SPAG16: variants seen among roughly 807,000 people sequenced by gnomAD.
SPAG16 encodes sperm associated antigen 16.
A neutral mutation model predicts 80.4 loss-of-function variants in SPAG16; 86 were observed. The ratio of observed to expected loss-of-function variants is 1.07; its 90% CI spans 0.90 to 1.28. SPAG16 has a LOEUF of 1.28. Among genes scored for constraint, SPAG16 ranks in the 50% most tolerant of loss-of-function variants. The pLI is 0.00. For missense variants in SPAG16, 870 were observed against 765.3 expected (o/e 1.14, Z -1.61); for synonymous variants, 294 against 265.9 (o/e 1.11, Z -1.03).
chr2:213,831,034 CTTTT>C (rs34523016), intron 10 of SPAG16, among the ~76,000 whole-genome samples: 5 of 80,816 alleles, frequency 6.2e-5, no homozygotes, highest in African/African-American at 1.8e-4. Context: ...TGAAACATGA[CTTTT>C]TTTTTTTTTT....
intron 14 of SPAG16, among the ~76,000 whole-genome samples, chr2:214,143,489 G>A (rs1479053731): frequency 6.6e-6 from 1 of 151,946 alleles, no homozygotes; most frequent in Admixed American, 6.6e-5. Context: ...AGTTGTGAGA[G>A]TCAGCTGTGA....
chr2:214,193,426 T>TGAGAGAGA (rs55774604), intron 15 of SPAG16, among the ~76,000 whole-genome samples: 70 of 136,608 alleles, frequency 5.1e-4, no homozygotes, highest in African/African-American at 1.6e-3. Context: ...TGTGTGTGTA[T>TGAGAGAGA]GAGAGAGAGA....
At chr2:214,370,309 T>C (rs1699729502) in intron 15 of SPAG16, among the ~76,000 whole-genome samples, 1 of 152,176 alleles carries the variant, frequency 6.6e-6, no homozygotes, top group South Asian at 2.1e-4. Context: ...ATTTTAAAGT[T>C]ATTGCTATGT....
chr2:214,009,830 A>C (rs2047200778), intron 12 of SPAG16, among the ~76,000 whole-genome samples: 1 of 152,064 alleles, frequency 6.6e-6, no homozygotes. Flanking sequence ...TAATTTTCCC[A>C]CCTTTTGCCA....
rs142302293 is a variant in SPAG16, at chr2:214,299,794, A to C, written c.1721-110346A>C. ...TTCAGATTACTCAAGTCAATGATTT[A>C]TCTATGCCTGTAGATACCTGTATGA... On this transcript the variant is annotated intron_variant, in intron 15 of 15. Transcript: ENST00000331683. Among the ~76,000 whole-genome samples the C allele has an allele frequency of 4.2e-3, 644 of 152,310 alleles. 4 individuals carry two copies. The highest frequency in any genetic ancestry group is 0.02 in the Middle Eastern group (6 of 294).
intron 15 of SPAG16, among the ~76,000 whole-genome samples, chr2:214,204,491 T>G (rs1304612470): frequency 6.6e-6 from 1 of 152,186 alleles, no homozygotes; most frequent in African/African-American, 2.4e-5. Flanking sequence ...TGAAGACAGT[T>G]CACATCACAG....
intron 10 of SPAG16, among the ~76,000 whole-genome samples, chr2:213,732,480 A>G (rs1458428221): frequency 6.6e-6 from 1 of 152,202 alleles, no homozygotes; most frequent in Non-Finnish European, 1.5e-5. Context: ...GCCCTATAGT[A>G]TAGTTTGAGA....
intron 13 of SPAG16, among the ~76,000 whole-genome samples, chr2:214,027,965 G>T (rs1341491844): frequency 1.3e-5 from 2 of 151,772 alleles, no homozygotes; most frequent in Non-Finnish European, 2.9e-5. Context: ...TGTTATTTTA[G>T]CTAACTAATT....
intron 15 of SPAG16, among the ~76,000 whole-genome samples, chr2:214,204,020 G>A (rs1417228644): frequency 1.3e-5 from 2 of 152,130 alleles, no homozygotes; most frequent in Non-Finnish European, 2.9e-5. Flanking sequence ...AGCCTTTTGG[G>A]CTGCATAGGA....
chr2:213,502,812 A>C (rs1230319443), intron 10 of SPAG16, among the ~76,000 whole-genome samples: 1 of 152,216 alleles, frequency 6.6e-6, no homozygotes, highest in Non-Finnish European at 1.5e-5. Flanking sequence ...CCTACTGGCT[A>C]TCAACTTCTT....
Position 213,898,979 on chromosome 2 carries a change from G to T in SPAG16, c.1215-30981G>T, listed in dbSNP as rs766479467. 2.6e-5 allele frequency among the ~76,000 whole-genome samples: 4 copies of T among 152,072 alleles called. No individual in the cohort carries two copies. The South Asian group carries it at 6.2e-4, about 24-fold the overall frequency. On this transcript the variant is annotated intron_variant, in intron 11 of 15. Coordinates refer to ENST00000331683, the MANE Select transcript of SPAG16 (RefSeq NM_024532.5). ...AGGATAAGAAAGAGTATCTGTTGCC[G>T]CAGGGAATGAAAACTAAGTAAAGTG...
At chr2:214,178,667 C>G (rs570240902) in intron 15 of SPAG16, among the ~76,000 whole-genome samples, 2 of 151,276 alleles carry the variant, frequency 1.3e-5, no homozygotes. Context: ...ATAGAGCACA[C>G]GTGCACATAC....
At chr2:213,966,552 A>G (rs991334008) in intron 12 of SPAG16, among the ~76,000 whole-genome samples, 1 of 152,200 alleles carries the variant, frequency 6.6e-6, no homozygotes, top group African/African-American at 2.4e-5. Context: ...TTTAAAAAAC[A>G]TCTGCCAAGG....
At chr2:213,385,346 T>C (rs1370766269) in intron 9 of SPAG16, among the ~76,000 whole-genome samples, 1 of 152,172 alleles carries the variant, frequency 6.6e-6, no homozygotes, top group African/African-American at 2.4e-5. Context: ...TTCTAGGGTG[T>C]TAAGTTCTGT....
chr2:213,877,676 T>G (rs2076192225), intron 11 of SPAG16, among the ~76,000 whole-genome samples: 1 of 152,152 alleles, frequency 6.6e-6, no homozygotes, highest in South Asian at 2.1e-4. Context: ...AGGGAGAGGA[T>G]GAGGATACCA....
chr2:213,983,573 G>A (rs964091525), intron 12 of SPAG16, among the ~76,000 whole-genome samples: 23 of 152,014 alleles, frequency 1.5e-4, no homozygotes, highest in African/African-American at 4.6e-4. Context: ...ACTTTGAAAG[G>A]CCTACAATGT....
chr2:213,336,532 G>A (rs2064367983), intron 5 of SPAG16, among the ~76,000 whole-genome samples: 1 of 152,222 alleles, frequency 6.6e-6, no homozygotes, highest in African/African-American at 2.4e-5. Context: ...GGCTCCAGTT[G>A]GCCATTGTCC....
intron 9 of SPAG16, among the ~76,000 whole-genome samples, chr2:213,463,996 A>G (rs1479196370): frequency 1.3e-5 from 2 of 152,218 alleles, no homozygotes; most frequent in Non-Finnish European, 2.9e-5. Context: ...AGGGAGAAAG[A>G]AAAGGAAGAG....
chr2:213,477,168 G>A (rs954579558), intron 9 of SPAG16, among the ~76,000 whole-genome samples: 4 of 152,250 alleles, frequency 2.6e-5, no homozygotes, highest in Admixed American at 2.6e-4. Flanking sequence ...TTTCACTCTG[G>A]TCCTAGACTC....
Sources: gnomAD v4.1 joint callset for allele counts (sites outside exome capture counted in the v4.1 genomes callset) on GRCh38, gnomAD v4.1.1 for gene constraint, MANE v1.5 for transcripts, NCBI Gene and HGNC (gene_info 2026-07-23, HGNC 2026-07-21) for gene names.